LHFPL3: variants seen among roughly 807,000 people sequenced by gnomAD.
The protein encoded by LHFPL3 is LHFPL tetraspan subfamily member 3 protein.
A neutral mutation model predicts 19.3 loss-of-function variants in LHFPL3; 5 were observed. The ratio of observed to expected loss-of-function variants is 0.26; its 90% CI spans 0.14 to 0.54. LHFPL3 has a LOEUF of 0.54. Among genes scored for constraint, LHFPL3 ranks in the 20% least tolerant of loss-of-function variants. LHFPL3 has a pLI of 0.94. For missense variants in LHFPL3, 249 were observed against 307.4 expected, an observed-to-expected ratio of 0.81 and a Z score of 1.42; for synonymous variants, 133 against 126.2, an observed-to-expected ratio of 1.05 and a Z score of -0.36.
intron 1 of LHFPL3, among the ~76,000 whole-genome samples, chr7:104,389,001 A>G (rs2214087): frequency 0.41 from 62,822 of 151,938 alleles, 13,346 homozygotes; most frequent in Admixed American, 0.54. Context: ...CTTCAATATC[A>G]TACCAGAGGT....
At chr7:104,493,757 CCTTA>C (rs1309439011) in intron 1 of LHFPL3, among the ~76,000 whole-genome samples, 1 of 151,888 alleles carries the variant, frequency 6.6e-6, no homozygotes, top group Non-Finnish European at 1.5e-5. Flanking sequence ...TTCAAGCCCT[CCTTA>C]CTTCTCTCCT....
intron 1 of LHFPL3, among the ~76,000 whole-genome samples, chr7:104,410,268 G>A (rs1791510540): frequency 6.6e-6 from 1 of 152,086 alleles, no homozygotes; most frequent in Non-Finnish European, 1.5e-5. Flanking sequence ...AAATAGCTGG[G>A]ATTACAAGCG....
intron 1 of LHFPL3, among the ~76,000 whole-genome samples, chr7:104,612,801 C>G (rs1014129770): frequency 7.9e-5 from 12 of 152,286 alleles, no homozygotes; most frequent in Admixed American, 2.0e-4. Flanking sequence ...TCCTACCTGA[C>G]TTGCCAAATT....
At chr7:104,497,637 A>G (rs1793510633) in intron 1 of LHFPL3, among the ~76,000 whole-genome samples, 1 of 151,766 alleles carries the variant, frequency 6.6e-6, no homozygotes, top group Non-Finnish European at 1.5e-5. Flanking sequence ...AAAAAAAAAA[A>G]AAAAGGAGGA....
At chr7:104,387,446 T>G (rs1053362244) in intron 1 of LHFPL3, among the ~76,000 whole-genome samples, 1 of 152,080 alleles carries the variant, frequency 6.6e-6, no homozygotes, top group Non-Finnish European at 1.5e-5. Flanking sequence ...AAGAGCAGAT[T>G]TGAGCTGACA....
chr7:104,370,754 C>T (rs1446385257), intron 1 of LHFPL3, among the ~76,000 whole-genome samples: 4 of 151,976 alleles, frequency 2.6e-5, no homozygotes, highest in South Asian at 4.2e-4. Flanking sequence ...TGGTGGCGGG[C>T]GCCTGTAATC....
intron 1 of LHFPL3, among the ~76,000 whole-genome samples, chr7:104,478,504 G>C (rs965387550): frequency 6.6e-6 from 1 of 152,124 alleles, no homozygotes; most frequent in East Asian, 1.9e-4. Flanking sequence ...CAAGCAAAAT[G>C]GCAGCAGGGT....
At chr7:104,467,666 G>T (rs1428581737) in intron 1 of LHFPL3, among the ~76,000 whole-genome samples, 1 of 152,088 alleles carries the variant, frequency 6.6e-6, no homozygotes, top group African/African-American at 2.4e-5. Flanking sequence ...ATATTTCCTG[G>T]ATTAATTTCT....
At chr7:104,603,062 TTCTTTTTCTTTC>T (rs1791001630) in intron 1 of LHFPL3, among the ~76,000 whole-genome samples, 1 of 139,260 alleles carries the variant, frequency 7.2e-6, no homozygotes, top group African/African-American at 2.7e-5. Context: ...TTTTCTTTCT[TTCTTTTTCTTTC>T]TTTCTTTCTT....
chr7:104,620,360 T>C (rs1216207808), intron 1 of LHFPL3, among the ~76,000 whole-genome samples: 1 of 152,208 alleles, frequency 6.6e-6, no homozygotes, highest in Non-Finnish European at 1.5e-5. Context: ...GAGTTTTAGA[T>C]AGAACAATGA....
intron 2 of LHFPL3, among the ~76,000 whole-genome samples, chr7:104,780,929 C>T (rs1794707094): frequency 6.6e-6 from 1 of 152,170 alleles, no homozygotes; most frequent in African/African-American, 2.4e-5. Context: ...ACTTTCTTCC[C>T]TTGTCATCAC....
At chr7:104,868,556 C>T (rs1162040954) in intron 2 of LHFPL3, among the ~76,000 whole-genome samples, 8 of 152,168 alleles carry the variant, frequency 5.3e-5, no homozygotes, top group South Asian at 2.1e-4. Context: ...CTACAAACCA[C>T]GGCTCAATGA....
chr7:104,872,475 T>A (rs1251102491), intron 2 of LHFPL3, among the ~76,000 whole-genome samples: 5 of 152,020 alleles, frequency 3.3e-5, no homozygotes, highest in Non-Finnish European at 5.9e-5. Context: ...TGAAACCCTG[T>A]CTCTATTAAA....
intron 1 of LHFPL3, among the ~76,000 whole-genome samples, chr7:104,673,683 A>G (rs1792529745): frequency 6.6e-6 from 1 of 152,232 alleles, no homozygotes. Flanking sequence ...GATGAAGGGC[A>G]AATTTGCCTG....
Position 104,488,664 on chromosome 7 carries a change from G to T in LHFPL3, c.445+159440G>T, listed in dbSNP as rs189939406. The stretch of plus-strand genomic sequence containing the variant: ...AAGAGTAAGTTCAGCTGACCATGAA[G>T]GAGGTCCAGGATGTTCAGACAGTGT... On this transcript the variant is annotated intron_variant, in intron 1 of 2. Coordinates refer to ENST00000424859, the MANE Select transcript of LHFPL3 (RefSeq NM_199000.3). Among the ~76,000 whole-genome samples, 12 of 152,268 alleles carry T rather than the reference G, an allele frequency of 7.9e-5. No individual in the cohort carries two copies. In the East Asian group the frequency reaches 2.3e-3, roughly 29 times the overall value.
At chr7:104,512,565 G>A (rs1248161498) in intron 1 of LHFPL3, among the ~76,000 whole-genome samples, 2 of 151,974 alleles carry the variant, frequency 1.3e-5, no homozygotes, top group South Asian at 2.1e-4. Flanking sequence ...GTGAAACCCC[G>A]TCTCTACTAA....
At chr7:104,633,072 A>G (rs1400430314) in intron 1 of LHFPL3, among the ~76,000 whole-genome samples, 4 of 152,216 alleles carry the variant, frequency 2.6e-5, no homozygotes, top group Admixed American at 2.6e-4. Flanking sequence ...GATGGTGATG[A>G]GAATGATGAC....
intron 1 of LHFPL3, among the ~76,000 whole-genome samples, chr7:104,685,763 A>G (rs115898024): frequency 0.011 from 1,643 of 152,282 alleles, 37 homozygotes; most frequent in African/African-American, 0.038. Context: ...CACAGATACC[A>G]TGGTACACAC....
chr7:104,431,966 A>G (rs1025834376), intron 1 of LHFPL3, among the ~76,000 whole-genome samples: 6 of 152,298 alleles, frequency 3.9e-5, no homozygotes, highest in Admixed American at 3.9e-4. Context: ...CCTTGCTGGT[A>G]TACTCCAGTT....
Sources: allele counts gnomAD v4.1 joint callset (sites outside exome capture counted in the v4.1 genomes callset), GRCh38; gene constraint gnomAD v4.1.1; transcripts MANE v1.5; gene names NCBI Gene and HGNC (gene_info 2026-07-23, HGNC 2026-07-21).